JMJD1C: variants seen among roughly 807,000 people sequenced by gnomAD.
The protein encoded by JMJD1C is jumonji domain containing 1C.
JMJD1C carries 31 observed loss-of-function variants against 245.3 expected under a neutral mutation model. The ratio of observed to expected loss-of-function variants is 0.13; its 90% CI spans 0.09 to 0.17. The LOEUF is 0.17. JMJD1C is among the 10% of genes least tolerant of loss of function. The probability of loss-of-function intolerance (pLI) is 1.00; values close to 1 mark genes in which losing one functional copy is unlikely to be tolerated. For synonymous variants in JMJD1C, 1,057 were observed against 1,017.4 expected, an observed-to-expected ratio of 1.04 and a Z score of -0.74; for missense variants, 2,691 against 3,000.2, an observed-to-expected ratio of 0.90 and a Z score of 2.41.
At chr10:63,215,210 T>G (rs775189113) in intron 7 of JMJD1C, 53 bp downstream of exon 7, 1 of 1,532,054 alleles carries the variant, frequency 6.5e-7, no homozygotes, top group Non-Finnish European at 8.9e-7. Flanking sequence ...TATTTTAAAA[T>G]GTATTTTTGT....
intron 3 of JMJD1C, among the ~76,000 whole-genome samples, chr10:63,220,864 T>C (rs529699856): frequency 6.6e-6 from 1 of 152,012 alleles, no homozygotes; most frequent in African/African-American, 2.4e-5. Flanking sequence ...ATCCCAGCAC[T>C]TTGGGAGGCT....
intron 1 of JMJD1C, among the ~76,000 whole-genome samples, chr10:63,519,687 TGA>T (rs1430804490): frequency 6.6e-6 from 1 of 151,986 alleles, no homozygotes; most frequent in South Asian, 2.1e-4. Flanking sequence ...CACTGAAAAA[TGA>T]GAGTTCTGAT....
chr10:63,184,216 A>C (rs1374775363), intron 21 of JMJD1C, among the ~76,000 whole-genome samples: 1 of 147,508 alleles, frequency 6.8e-6, no homozygotes, highest in African/African-American at 2.5e-5. Flanking sequence ...GGCATGGGCC[A>C]CCACGCCCAT....
intron 2 of JMJD1C, among the ~76,000 whole-genome samples, chr10:63,305,854 T>A (rs1938139483): frequency 6.6e-6 from 1 of 152,030 alleles, no homozygotes; most frequent in African/African-American, 2.4e-5. Flanking sequence ...CTCCTCAGCC[T>A]TCTGAGTAGC....
intron 3 of JMJD1C, among the ~76,000 whole-genome samples, chr10:63,257,552 C>A (rs1854135200): frequency 6.6e-6 from 1 of 152,186 alleles, no homozygotes; most frequent in Non-Finnish European, 1.5e-5. Context: ...GCTTAGGGGA[C>A]TTCTAGACCT....
chr10:63,421,276 G>A (rs1038786293), intron 1 of JMJD1C, among the ~76,000 whole-genome samples: 2 of 152,224 alleles, frequency 1.3e-5, no homozygotes, highest in Admixed American at 6.5e-5. Flanking sequence ...GGAGGTTGAG[G>A]TGAGCCGAGA....
Position 63,202,397 on chromosome 10 carries a change from A to G in JMJD1C, c.5075-1720T>C, listed in dbSNP as rs1220283390. Reference sequence around the variant, plus strand: ...ATAGTTTGCTATTTCTGTCATGCTGAAAGAATAAAACTGTATTTCCTACCC... The same window carrying G: ...ATAGTTTGCTATTTCTGTCATGCTGGAAGAATAAAACTGTATTTCCTACCC... On this transcript the variant is annotated intron_variant, in intron 10 of 25. Transcript: ENST00000399262. The G allele has an allele frequency of 4.1e-6, 4 of 985,324 alleles. No individual in the cohort carries two copies. In the East Asian group the frequency reaches 3.4e-4, roughly 84 times the overall value. The allele number at this position is 985,324 out of a possible 1,614,324, so 61.0% of individuals were successfully genotyped here. A position where few individuals can be genotyped will look rare whatever the true frequency, so the allele number is the denominator to read the frequency against.
At chr10:63,303,649 C>T (rs966111768) in intron 2 of JMJD1C, among the ~76,000 whole-genome samples, 9 of 152,090 alleles carry the variant, frequency 5.9e-5, no homozygotes, top group Non-Finnish European at 7.3e-5. Context: ...GACAACCTCA[C>T]GTATAACGTA....
At chr10:63,334,121 T>C (rs770903392) in intron 2 of JMJD1C, among the ~76,000 whole-genome samples, 2 of 152,174 alleles carry the variant, frequency 1.3e-5, no homozygotes, top group African/African-American at 2.4e-5. Context: ...GAAGAGGTGG[T>C]AGACATACTC....
At chr10:63,247,749 C>T (rs1056802873) in intron 3 of JMJD1C, among the ~76,000 whole-genome samples, 4 of 133,408 alleles carry the variant, frequency 3.0e-5, no homozygotes, top group Non-Finnish European at 6.5e-5. Flanking sequence ...GAAACAAAAA[C>T]CTTGCATCTT....
intron 18 of JMJD1C, among the ~76,000 whole-genome samples, chr10:63,187,500 T>C (rs1270659578): frequency 6.6e-6 from 1 of 152,152 alleles, no homozygotes; most frequent in Non-Finnish European, 1.5e-5. Flanking sequence ...TGCAGTGGCA[T>C]GATCATGGCT....
intron 2 of JMJD1C, among the ~76,000 whole-genome samples, chr10:63,312,243 G>A (rs994457957): frequency 1.5e-4 from 23 of 151,898 alleles, no homozygotes; most frequent in Non-Finnish European, 1.5e-4. Flanking sequence ...GAGTAGCTGG[G>A]ATTACAGGCA....
chr10:63,428,895 T>C (rs1055698553), intron 1 of JMJD1C, among the ~76,000 whole-genome samples: 4 of 152,186 alleles, frequency 2.6e-5, no homozygotes, highest in East Asian at 1.9e-4. Flanking sequence ...AGCCAGGTTA[T>C]GTAGCTACAC....
chr10:63,262,399 ATGTC>A (rs1854890561), intron 3 of JMJD1C, among the ~76,000 whole-genome samples: 1 of 152,168 alleles, frequency 6.6e-6, no homozygotes, highest in South Asian at 2.1e-4. Context: ...AATAAGATAA[ATGTC>A]TATCATTTAC....
At chr10:63,277,212 T>A (rs572297447) in intron 2 of JMJD1C, among the ~76,000 whole-genome samples, 362 of 151,000 alleles carry the variant, frequency 2.4e-3, no homozygotes, top group Non-Finnish European at 3.8e-3. Flanking sequence ...TTATTTTTTT[T>A]AATCAATGTT....
At position 63,266,897 on chromosome 10, in the gene JMJD1C, C is replaced by G. The variant is rs191333012; in HGVS notation, c.334-2133G>C. Among the ~76,000 whole-genome samples the G allele has an allele frequency of 6.2e-3, 941 of 151,270 alleles. 3 individuals carry two copies. Among genetic ancestry groups the G allele is most frequent in the Admixed American group, 0.011 (169 of 15,276 alleles). ...TTCTTCTGAAGAGAGCTCTCCTTTTCAAGGTAGGCCAGAGTTCTAAGGGTA... is the reference window on the plus strand; with the variant it reads ...TTCTTCTGAAGAGAGCTCTCCTTTTGAAGGTAGGCCAGAGTTCTAAGGGTA... On this transcript the variant is annotated intron_variant, in intron 2 of 25. Transcript: ENST00000399262.
intron 2 of JMJD1C, among the ~76,000 whole-genome samples, chr10:63,331,425 T>C (rs1315183104): frequency 1.3e-5 from 2 of 152,216 alleles, no homozygotes; most frequent in Non-Finnish European, 2.9e-5. Context: ...TACATTCGCT[T>C]ACATGGTTTT....
intron 8 of JMJD1C, among the ~76,000 whole-genome samples, chr10:63,212,875 A>G (rs759196334): frequency 6.6e-6 from 1 of 150,964 alleles, no homozygotes; most frequent in Non-Finnish European, 1.5e-5. Context: ...ATTATGTATA[A>G]TTTTGTGTAA....
At position 63,190,951 on chromosome 10, in the gene JMJD1C, A is replaced by G. The variant is rs905897779; in HGVS notation, c.6234T>C (p.Arg2078=). 3 of 1,614,068 alleles carry G rather than the reference A, an allele frequency of 1.9e-6. No homozygotes were observed. The highest frequency in any genetic ancestry group is 2.5e-6 in the Non-Finnish European group (3 of 1,179,940). Residue 2078 remains arginine, a synonymous_variant, in exon 17 of 26, where the codon CGT becomes CGC. Coordinates refer to ENST00000399262, the MANE Select transcript of JMJD1C (RefSeq NM_032776.3). ...CAATGCCAGCATCTGTAGACCCCAC[A>G]CGTAGCTTTCCAGCTGTTGTAGTCA... ...DLLTTTAGKL[R]VGSTDAGIAF... is the part of the protein sequence containing the mutation.
Sources: allele counts gnomAD v4.1 joint callset (sites outside exome capture counted in the v4.1 genomes callset), GRCh38; gene constraint gnomAD v4.1.1; transcripts MANE v1.5; gene names NCBI Gene and HGNC (gene_info 2026-07-23, HGNC 2026-07-21).